The following OCA2 variants were observed in gnomAD, a reference collection of about 807,000 sequenced individuals.
OCA2 encodes P protein.
Under a neutral mutation model 100.2 loss-of-function variants are expected in OCA2, and 77 were observed. That is an observed-to-expected ratio of 0.77 (90% confidence interval 0.64 to 0.93). OCA2 has a LOEUF of 0.93. Among genes scored for constraint, OCA2 ranks in the 40% least tolerant of loss-of-function variants. The probability of loss-of-function intolerance (pLI) is 0.00; values close to 1 mark genes in which losing one functional copy is unlikely to be tolerated. For missense variants in OCA2, 1,062 were observed against 1,089.1 expected, an observed-to-expected ratio of 0.98 and a Z score of 0.35; for synonymous variants, 432 against 439.2, an observed-to-expected ratio of 0.98 and a Z score of 0.21.
At chr15:28,010,747 T>C (rs1019140436) in intron 9 of OCA2, among the ~76,000 whole-genome samples, 1 of 152,184 alleles carries the variant, frequency 6.6e-6, no homozygotes, top group Non-Finnish European at 1.5e-5. Flanking sequence ...TTCTAAAATG[T>C]GGATGTCAAA....
chr15:28,030,308 G>A (rs193291458), intron 3 of OCA2, among the ~76,000 whole-genome samples: 11 of 152,156 alleles, frequency 7.2e-5, no homozygotes, highest in Admixed American at 2.0e-4. Flanking sequence ...GATAGCACAG[G>A]GGCTAGTTTG....
chr15:28,090,260 A>G (rs1188721055), intron 1 of OCA2, among the ~76,000 whole-genome samples: 1 of 152,270 alleles, frequency 6.6e-6, no homozygotes, highest in East Asian at 1.9e-4. Context: ...TTATAGTTAG[A>G]GACTTAAACA....
chr15:27,954,116 T>TACACACACACACACACACACAC (rs200633980), intron 17 of OCA2, among the ~76,000 whole-genome samples: 1 of 46,382 alleles, frequency 2.2e-5, no homozygotes, highest in African/African-American at 3.7e-5. Context: ...TTCCATGGCA[T>TACACACACACACACACACACAC]ACACACACAC....
intron 12 of OCA2, among the ~76,000 whole-genome samples, chr15:27,985,916 C>T (rs1213092566): frequency 6.6e-6 from 1 of 152,208 alleles, no homozygotes; most frequent in Non-Finnish European, 1.5e-5. Context: ...TGGTCTCAAC[C>T]TCTTGACCTC....
At chr15:27,899,996 C>G (rs2151640723) in intron 19 of OCA2, among the ~76,000 whole-genome samples, 1 of 152,164 alleles carries the variant, frequency 6.6e-6, no homozygotes, top group Middle Eastern at 3.4e-3. Flanking sequence ...GGAAACACAA[C>G]TAATAAAGGT....
intron 2 of OCA2, among the ~76,000 whole-genome samples, chr15:28,041,735 G>T (rs2043207325): frequency 6.6e-6 from 1 of 152,150 alleles, no homozygotes; most frequent in Admixed American, 6.5e-5. Context: ...CACAATAGTG[G>T]AAATAAATGA....
At position 27,946,120 on chromosome 15, in the gene OCA2, G is replaced by A. The variant is rs553127688; in HGVS notation, c.1951+5664C>T. ...CAGGGTGCTGGCCCTGAACCTCTCA[G>A]GGTGTGTTACATTATATCCAAAATT... On this transcript the variant is annotated intron_variant, in intron 18 of 23. Transcript: ENST00000354638. Among the ~76,000 whole-genome samples the A allele has an allele frequency of 1.4e-3, 219 of 152,224 alleles. 8 individuals are homozygous for A. In the South Asian group the frequency reaches 0.045, roughly 31 times the overall value.
intron 23 of OCA2, among the ~76,000 whole-genome samples, chr15:27,829,168 T>C (rs559703616): frequency 1.3e-5 from 2 of 152,046 alleles, no homozygotes; most frequent in Non-Finnish European, 2.9e-5. Context: ...TTAGAGTAGA[T>C]GACAGATAGA....
intron 18 of OCA2, among the ~76,000 whole-genome samples, chr15:27,943,140 C>A (rs1302560086): frequency 6.6e-6 from 1 of 152,138 alleles, no homozygotes; most frequent in African/African-American, 2.4e-5. Context: ...AATCTCTAAG[C>A]CCCTCAACCA....
chr15:27,945,310 C>T lies in OCA2; in HGVS notation c.1951+6474G>A, dbSNP rs186915060. Among the ~76,000 whole-genome samples the T allele has an allele frequency of 6.5e-3, 989 of 152,274 alleles. 4 individuals are homozygous for T. The highest frequency in any genetic ancestry group is 1.0e-2 in the Non-Finnish European group (680 of 68,042). ...AGAAACCAACAAGGCCAAGCAGACT[C>T]CTCTTCGCCTGGAAATTGGGGGTTC... On this transcript the variant is annotated intron_variant, in intron 18 of 23. Transcript: ENST00000354638.
chr15:28,020,105 C>A (rs192918705), intron 6 of OCA2, among the ~76,000 whole-genome samples: 139 of 152,138 alleles, frequency 9.1e-4, no homozygotes, highest in Non-Finnish European at 1.7e-3. Context: ...AGGGAGCAGG[C>A]GAGACAGCTC....
At chr15:27,729,224 C>A in the OCA2 span, among the ~76,000 whole-genome samples, 1 of 151,986 alleles carries the variant, frequency 6.6e-6, no homozygotes, top group South Asian at 2.1e-4. Context: ...CTAAGCCTGA[C>A]CTAGGTTTGT....
At chr15:27,767,788 G>A (rs2031382731) in intron 23 of OCA2, among the ~76,000 whole-genome samples, 1 of 152,164 alleles carries the variant, frequency 6.6e-6, no homozygotes, top group Admixed American at 6.5e-5. Context: ...AATAAAAGCT[G>A]GCCACCCCAG....
At chr15:27,871,318 C>A (rs41301777) in intron 20 of OCA2, 60 bp from the exon 21 acceptor site, 1 of 1,336,080 alleles carries the variant, frequency 7.5e-7, no homozygotes, top group Non-Finnish European at 1.1e-6. Flanking sequence ...GTCAGACCCA[C>A]CAGCCGCGAG....
In OCA2 at chr15:28,059,100, G is replaced by A. The variant is rs186755028; in HGVS notation, c.227+22548C>T. 2.7e-3 allele frequency among the ~76,000 whole-genome samples: 418 copies of A among 152,334 alleles called. 2 individuals are homozygous for A. The highest frequency in any genetic ancestry group is 3.8e-3 in the Non-Finnish European group (256 of 68,036). On this transcript the variant is annotated intron_variant, in intron 2 of 23. Coordinates refer to ENST00000354638, the MANE Select transcript of OCA2 (RefSeq NM_000275.3). Reference sequence around the variant, plus strand: ...AAATGCACCTCACTGCTTAGAAGGCGACAAACTGCACTTTCTGAAGATGTT... The same window carrying A: ...AAATGCACCTCACTGCTTAGAAGGCAACAAACTGCACTTTCTGAAGATGTT...
At chr15:27,787,907 A>G (rs2032895593) in intron 23 of OCA2, among the ~76,000 whole-genome samples, 1 of 151,982 alleles carries the variant, frequency 6.6e-6, no homozygotes, top group Non-Finnish European at 1.5e-5. Flanking sequence ...GTTATATCTC[A>G]TATATTTAAT....
At chr15:28,052,013 G>T (rs1402632353) in intron 2 of OCA2, among the ~76,000 whole-genome samples, 1 of 152,138 alleles carries the variant, frequency 6.6e-6, no homozygotes, top group Non-Finnish European at 1.5e-5. Flanking sequence ...ATCAGAGGCT[G>T]GGCCTGGCCG....
intron 23 of OCA2, among the ~76,000 whole-genome samples, chr15:27,809,621 T>A: frequency 6.6e-6 from 1 of 152,162 alleles, no homozygotes. Flanking sequence ...TAGAAAACCC[T>A]AAAGACTCCT....
At chr15:28,067,122 A>G (rs541880086) in intron 2 of OCA2, among the ~76,000 whole-genome samples, 2 of 152,366 alleles carry the variant, frequency 1.3e-5, no homozygotes, top group South Asian at 2.1e-4. Flanking sequence ...CATTTAGCTC[A>G]GAATAAATCT....
Sources: allele counts gnomAD v4.1 joint callset (sites outside exome capture counted in the v4.1 genomes callset), GRCh38; gene constraint gnomAD v4.1.1; transcripts MANE v1.5; gene names NCBI Gene and HGNC (gene_info 2026-07-23, HGNC 2026-07-21).